Variants in ACYP2 observed in about 807,000 individuals in gnomAD.
ACYP2 encodes the protein acylphosphatase-2.
ACYP2 carries 12 observed loss-of-function variants against 11.2 expected under a neutral mutation model. That is an observed-to-expected ratio of 1.08 (90% CI 0.69 to 1.74). The LOEUF (loss-of-function observed/expected upper bound fraction) is 1.74. Among genes scored for constraint, ACYP2 ranks in the 40% most tolerant of loss-of-function variants. The pLI, the probability that ACYP2 is intolerant of heterozygous loss-of-function variation, is 0.00. For missense variants in ACYP2, 134 were observed against 101.9 expected (o/e 1.31, Z -1.35); for synonymous variants, 43 against 32.2 (o/e 1.33, Z -1.13).
chr2:54,087,849 G>T (rs1234942592), intron 4 of ACYP2, among the ~76,000 whole-genome samples: 1 of 152,200 alleles, frequency 6.6e-6, no homozygotes, highest in Admixed American at 6.5e-5. Flanking sequence ...GCTAGAGACA[G>T]ATTCCCGAAC....
chr2:53,997,488 TAGAG>T (rs1672626676), intron 2 of ACYP2, among the ~76,000 whole-genome samples: 1 of 152,098 alleles, frequency 6.6e-6, no homozygotes, highest in Non-Finnish European at 1.5e-5. Flanking sequence ...GTATTTTTAG[TAGAG>T]AGAGGGTTTC....
chr2:54,084,003 G>T (rs540605828), intron 4 of ACYP2, among the ~76,000 whole-genome samples: 38 of 152,244 alleles, frequency 2.5e-4, no homozygotes, highest in African/African-American at 8.9e-4. Context: ...GAAAAGATGA[G>T]AAATGTCCCA....
intron 6 of ACYP2, among the ~76,000 whole-genome samples, chr2:54,260,117 A>G (rs528600836): frequency 3.3e-5 from 5 of 152,320 alleles, no homozygotes; most frequent in East Asian, 3.9e-4. Flanking sequence ...TGTCAGCTTT[A>G]GGAGCATGGC....
At chr2:54,027,837 C>CTTTTTTTTTTTTTTTTTTTT (rs34122179) in intron 2 of ACYP2, among the ~76,000 whole-genome samples, 2 of 97,876 alleles carry the variant, frequency 2.0e-5, no homozygotes, top group Admixed American at 1.2e-4. Flanking sequence ...TTCTTTCTTT[C>CTTTTTTTTTTTTTTTTTTTT]TTTTTTTTTT....
chr2:54,286,062 G>A (rs1239916799), intron 6 of ACYP2, among the ~76,000 whole-genome samples: 1 of 152,204 alleles, frequency 6.6e-6, no homozygotes, highest in African/African-American at 2.4e-5. Context: ...CTGTAAGTGA[G>A]AAATGCATTT....
intron 1 of ACYP2, chr2:53,973,653 A>G (rs1330613691): frequency 4.7e-6 from 1 of 210,560 alleles, no homozygotes; most frequent in Admixed American, 5.8e-5. Flanking sequence ...TCCACCACCT[A>G]TTCCAAAACC....
intron 6 of ACYP2, among the ~76,000 whole-genome samples, chr2:54,219,829 A>ATATATATGTATGTGTG (rs1553394642): frequency 2.3e-3 from 326 of 141,198 alleles, no homozygotes; most frequent in Middle Eastern, 7.3e-3. Flanking sequence ...GTGTGTGTGT[A>ATATATATGTATGTGTG]TATATATGTG....
At chr2:54,272,748 C>G (rs1290889349) in intron 6 of ACYP2, among the ~76,000 whole-genome samples, 1 of 152,174 alleles carries the variant, frequency 6.6e-6, no homozygotes, top group Non-Finnish European at 1.5e-5. Context: ...GCTTATATTG[C>G]TTTGCACATA....
chr2:54,088,588 C>T (rs556274400), intron 4 of ACYP2, among the ~76,000 whole-genome samples: 2 of 152,334 alleles, frequency 1.3e-5, no homozygotes, highest in African/African-American at 4.8e-5. Flanking sequence ...CACCCCCTTT[C>T]TCACGGCAGG....
At chr2:54,026,076 C>A (rs527713652) in intron 2 of ACYP2, among the ~76,000 whole-genome samples, 1 of 152,292 alleles carries the variant, frequency 6.6e-6, no homozygotes, top group African/African-American at 2.4e-5. Flanking sequence ...GAGATCGCAC[C>A]ACTGCACTCC....
chr2:54,108,612 CTGGTGGCTGGCCCTTTTTCCCCCGAGT>C (rs746844278), intron 4 of ACYP2, among the ~76,000 whole-genome samples: 98 of 152,280 alleles, frequency 6.4e-4, no homozygotes, highest in Middle Eastern at 6.8e-3. Flanking sequence ...TTTGTCTGAG[CTGGTGGCTGGCCCTTTTTCCCCCGAGT>C]TGGTGGCTGG....
chr2:54,044,068 G>A (rs1466081250), intron 2 of ACYP2, among the ~76,000 whole-genome samples: 2 of 152,082 alleles, frequency 1.3e-5, no homozygotes, highest in African/African-American at 2.4e-5. Context: ...GGACAGAGAC[G>A]AGATCTCTCT....
chr2:53,972,412 C>T (rs1671199747), intron 1 of ACYP2, among the ~76,000 whole-genome samples: 1 of 151,480 alleles, frequency 6.6e-6, no homozygotes, highest in Non-Finnish European at 1.5e-5. Context: ...GGAGACCATC[C>T]TGGCTAACAT....
chr2:53,975,860 C>T (rs1305453322), intron 2 of ACYP2, among the ~76,000 whole-genome samples: 1 of 152,040 alleles, frequency 6.6e-6, no homozygotes, highest in Non-Finnish European at 1.5e-5. Flanking sequence ...GGATGTTATC[C>T]TTTTAACCAG....
At chr2:53,976,901 A>T (rs1199268544) in intron 2 of ACYP2, among the ~76,000 whole-genome samples, 1 of 151,946 alleles carries the variant, frequency 6.6e-6, no homozygotes, top group Non-Finnish European at 1.5e-5. Flanking sequence ...CTTTTTGTTT[A>T]TTTTTGGGGG....
At chr2:54,151,478 T>C (rs1375781143) in intron 6 of ACYP2, among the ~76,000 whole-genome samples, 2 of 152,204 alleles carry the variant, frequency 1.3e-5, no homozygotes, top group African/African-American at 4.8e-5. Context: ...TTTACACAAA[T>C]AGACAGGGTT....
intron 6 of ACYP2, among the ~76,000 whole-genome samples, chr2:54,163,934 A>T (rs934058584): frequency 5.9e-5 from 9 of 152,146 alleles, no homozygotes; most frequent in Non-Finnish European, 1.3e-4. Context: ...ACTTTAGGAA[A>T]TTTTTTTAAA....
chr2:54,076,738 C>T (rs1436980771), intron 4 of ACYP2, among the ~76,000 whole-genome samples: 1 of 152,090 alleles, frequency 6.6e-6, no homozygotes, highest in Non-Finnish European at 1.5e-5. Context: ...GAGGGTACAG[C>T]AGCCATTTGG....
intron 6 of ACYP2, among the ~76,000 whole-genome samples, chr2:54,269,780 A>G (rs887941744): frequency 1.1e-4 from 16 of 152,204 alleles, no homozygotes; most frequent in African/African-American, 2.4e-4. Context: ...TTCCACCTCA[A>G]TTTTATTTAT....
Sources: allele counts gnomAD v4.1 joint callset (sites outside exome capture counted in the v4.1 genomes callset), GRCh38; gene constraint gnomAD v4.1.1; transcripts MANE v1.5; gene names NCBI Gene and HGNC (gene_info 2026-07-23, HGNC 2026-07-21).